The following SRGAP3 variants were observed in gnomAD, a reference collection of about 807,000 sequenced individuals.
SRGAP3 encodes the protein SLIT-ROBO Rho GTPase activating protein 3.
In SRGAP3, 39 loss-of-function variants were observed where a neutral mutation model predicts 121.1. The observed-to-expected ratio is 0.32, with a 90% CI of 0.25 to 0.42. The LOEUF is 0.42. Among genes scored for constraint, SRGAP3 ranks in the 10% least tolerant of loss-of-function variants. The pLI is 1.00. For missense variants in SRGAP3, 1,213 were observed against 1,470.6 expected (o/e 0.82, Z 2.86); for synonymous variants, 601 against 570.0 (o/e 1.05, Z -0.77).
intron 1 of SRGAP3, among the ~76,000 whole-genome samples, chr3:9,332,834 G>A (rs1158886008): frequency 6.6e-6 from 1 of 152,116 alleles, no homozygotes; most frequent in Admixed American, 6.5e-5. Context: ...TAATAGACTC[G>A]TGAGCAACGG....
At chr3:9,227,702 G>A (rs942219913) in intron 1 of SRGAP3, among the ~76,000 whole-genome samples, 1 of 152,230 alleles carries the variant, frequency 6.6e-6, no homozygotes, top group Non-Finnish European at 1.5e-5. Context: ...ATGCATTACG[G>A]TGGCTACGAT....
At chr3:9,206,942 A>T (rs1202408643) in intron 1 of SRGAP3, among the ~76,000 whole-genome samples, 1 of 152,208 alleles carries the variant, frequency 6.6e-6, no homozygotes, top group Non-Finnish European at 1.5e-5. Flanking sequence ...CAGTATCCCT[A>T]GACCCTAAAA....
chr3:9,213,137 G>A (rs1261517337), intron 1 of SRGAP3, among the ~76,000 whole-genome samples: 2 of 152,324 alleles, frequency 1.3e-5, no homozygotes, highest in Non-Finnish European at 2.9e-5. Context: ...TGGGATCACG[G>A]CTGCTCCTGT....
chr3:9,242,437 C>T (rs962400197), intron 1 of SRGAP3, among the ~76,000 whole-genome samples: 1 of 152,162 alleles, frequency 6.6e-6, no homozygotes, highest in Admixed American at 6.5e-5. Flanking sequence ...GAGTTTGAGA[C>T]CAGCCTGGGC....
At chr3:9,348,892 C>T in intron 1 of SRGAP3, 1 of 1,081,452 alleles carries the variant, frequency 9.2e-7, no homozygotes, top group Non-Finnish European at 1.4e-6. Flanking sequence ...AGCTACCCTC[C>T]TGTGAGAGTC....
chr3:9,306,655 C>G (rs961895519), intron 3 of SRGAP3, among the ~76,000 whole-genome samples: 2 of 152,146 alleles, frequency 1.3e-5, no homozygotes, highest in African/African-American at 4.8e-5. Context: ...TTTCCCAGCA[C>G]CATTTATTAA....
intron 3 of SRGAP3, among the ~76,000 whole-genome samples, chr3:9,316,071 CAG>C (rs1486079618): frequency 2.0e-5 from 3 of 152,104 alleles, no homozygotes; most frequent in African/African-American, 4.8e-5. Flanking sequence ...TTTTTTGAGA[CAG>C]AGTGTCCCTC....
rs1950674042 is a variant in SRGAP3, at chr3:9,163,517, C to T, written c.68-38600G>A. Among the ~76,000 whole-genome samples the T allele has an allele frequency of 3.3e-5, 5 of 152,296 alleles. No individual in the cohort carries two copies. The South Asian group carries it at 8.3e-4, about 25-fold the overall frequency. On this transcript the variant is annotated intron_variant, in intron 1 of 21. Coordinates refer to ENST00000383836, the MANE Select transcript of SRGAP3 (RefSeq NM_014850.4). ...CTAGGTCTTGGCCTGTGGCTCATCA[C>T]TGAAGTGGGGCTAAATTTAAGCCAT... is the stretch of plus-strand genomic sequence containing the variant.
intron 1 of SRGAP3, among the ~76,000 whole-genome samples, chr3:9,196,179 TGCATTTGACAA>T (rs1364730453): frequency 2.0e-4 from 31 of 152,314 alleles, no homozygotes; most frequent in African/African-American, 7.5e-4. Context: ...CCAACAACCA[TGCATTTGACAA>T]GTCCGTCTGC....
intron 1 of SRGAP3, among the ~76,000 whole-genome samples, chr3:9,130,131 AC>A (rs1949390201): frequency 6.6e-6 from 1 of 152,024 alleles, no homozygotes; most frequent in African/African-American, 2.4e-5. Context: ...GCCTCAGCTC[AC>A]ACACACACAA....
intron 1 of SRGAP3, among the ~76,000 whole-genome samples, chr3:9,156,417 C>T (rs945179839): frequency 6.6e-6 from 1 of 152,196 alleles, no homozygotes; most frequent in Non-Finnish European, 1.5e-5. Flanking sequence ...CAGCTCCGGG[C>T]TTAAATCCCA....
intron 11 of SRGAP3, chr3:9,037,605 G>A (rs563226749): frequency 1.5e-4 from 34 of 225,284 alleles, no homozygotes; most frequent in South Asian, 9.5e-4. Flanking sequence ...GCCCAGCTGC[G>A]CGCAATCTGA....
rs151215819 is a variant in SRGAP3, at chr3:9,110,805, C to A, written c.261-5963G>T. 1.4e-3 allele frequency among the ~76,000 whole-genome samples: 215 copies of A among 152,372 alleles called. 1 individual carries two copies. Among genetic ancestry groups the A allele is most frequent in the African/African-American group, 3.7e-3 (152 of 41,596 alleles). ...CAAGAGCTGCTCTGTAGAAAGCTAG[C>A]ATGTGTGGCCTTGGCCACAATGGTA... On this transcript the variant is annotated intron_variant, in intron 2 of 21. Coordinates refer to ENST00000383836, the MANE Select transcript of SRGAP3 (RefSeq NM_014850.4).
chr3:9,059,118 C>T (rs1013500311), intron 6 of SRGAP3: 1 of 153,598 alleles, frequency 6.5e-6, no homozygotes, highest in Non-Finnish European at 1.4e-5. Flanking sequence ...GATGTTCTCC[C>T]CACTCAGAGC....
intron 3 of SRGAP3, chr3:9,081,373 G>C (rs1947238811): frequency 4.5e-6 from 2 of 440,296 alleles, no homozygotes; most frequent in Non-Finnish European, 9.1e-6. Context: ...AAAAGATCTA[G>C]CTTCTCATTT....
At chr3:9,057,035 C>T (rs894701074) in intron 7 of SRGAP3, among the ~76,000 whole-genome samples, 4 of 152,180 alleles carry the variant, frequency 2.6e-5, no homozygotes, top group South Asian at 2.1e-4. Context: ...GCACCTGCCA[C>T]CATGCCCAGC....
At chr3:9,158,220 C>T (rs1950487531) in intron 1 of SRGAP3, among the ~76,000 whole-genome samples, 1 of 152,168 alleles carries the variant, frequency 6.6e-6, no homozygotes, top group Non-Finnish European at 1.5e-5. Context: ...TGGGAGGGTT[C>T]TGTAGGATAC....
chr3:9,360,070 C>A (rs1575036041), intron 1 of SRGAP3, among the ~76,000 whole-genome samples: 1 of 152,178 alleles, frequency 6.6e-6, no homozygotes, highest in Non-Finnish European at 1.5e-5. Flanking sequence ...TCTGGTACCA[C>A]AGATGAGTGC....
intron 3 of SRGAP3, among the ~76,000 whole-genome samples, chr3:9,280,384 A>G (rs1954654780): frequency 6.6e-6 from 1 of 152,190 alleles, no homozygotes; most frequent in Admixed American, 6.5e-5. Flanking sequence ...CCACGCACAC[A>G]CCAGTTTGTG....
Sources: allele counts gnomAD v4.1 joint callset (sites outside exome capture counted in the v4.1 genomes callset), GRCh38; gene constraint gnomAD v4.1.1; transcripts MANE v1.5; gene names NCBI Gene and HGNC (gene_info 2026-07-23, HGNC 2026-07-21).